Variants in LRRC7 observed in about 807,000 individuals in gnomAD.
LRRC7 encodes leucine-rich repeat-containing protein 7.
LRRC7 carries 23 observed loss-of-function variants against 175.7 expected under a neutral mutation model. The ratio of observed to expected loss-of-function variants is 0.13; its 90% confidence interval spans 0.09 to 0.19. The LOEUF (loss-of-function observed/expected upper bound fraction) is 0.19, where lower values mean the gene tolerates loss of function less well. Ranked by LOEUF, LRRC7 falls within the 10% of genes least tolerant of loss-of-function variation. LRRC7 has a pLI of 1.00. For synonymous variants in LRRC7, 685 were observed against 680.9 expected (o/e 1.01, Z -0.09); for missense variants, 1,354 against 1,904.7 (o/e 0.71, Z 5.38).
intron 1 of LRRC7, among the ~76,000 whole-genome samples, chr1:69,604,249 G>A (rs1015315907): frequency 1.3e-5 from 2 of 152,046 alleles, no homozygotes; most frequent in Non-Finnish European, 2.9e-5. Flanking sequence ...AATTTTACAT[G>A]ATTTGGCCAA....
chr1:69,587,661 G>A (rs1015590446), intron 1 of LRRC7, among the ~76,000 whole-genome samples: 1 of 152,074 alleles, frequency 6.6e-6, no homozygotes, highest in African/African-American at 2.4e-5. Flanking sequence ...TTGGATCGTG[G>A]GGGTGGTTTC....
rs1666316174 is a variant in LRRC7 at position 70,123,724 on chromosome 1, A to AGAGACTAAT, written c.*1838_*1846dup. Among the ~76,000 whole-genome samples, 1 of 152,172 alleles carries AGAGACTAAT rather than the reference A, an allele frequency of 6.6e-6. No individual in the cohort carries two copies. The highest frequency in any genetic ancestry group is 1.5e-5 in the Non-Finnish European group (1 of 68,022). ...GAGTTTCAGATGAGAAATGTCTTTC[A>AGAGACTAAT]GAGACTAATTTTCTTTGTTGAAAAC... On this transcript the variant is annotated 3_prime_UTR_variant, in exon 27 of 27. Coordinates refer to ENST00000651989, the MANE Select transcript of LRRC7 (RefSeq NM_001370785.2).
intron 25 of LRRC7, among the ~76,000 whole-genome samples, chr1:70,092,412 T>C (rs954368504): frequency 6.6e-6 from 1 of 152,276 alleles, no homozygotes; most frequent in Non-Finnish European, 1.5e-5. Flanking sequence ...AGGAATATTC[T>C]CAGAAATACA....
Position 69,587,658 on chromosome 1 carries a change from G to A in LRRC7, c.2+19017G>A, listed in dbSNP as rs61264188. Among the ~76,000 whole-genome samples the A allele has an allele frequency of 9.9e-3, 1,501 of 152,214 alleles. 21 individuals carry two copies. The highest frequency in any genetic ancestry group is 0.034 in the African/African-American group (1,410 of 41,514). On this transcript the variant is annotated intron_variant, in intron 1 of 26. Transcript: ENST00000651989. ...GGATCTGATGGAAGGTAATTGGATCGTGGGGGTGGTTTCCCCCACGCTGTT... is the reference window on the plus strand; with the variant it reads ...GGATCTGATGGAAGGTAATTGGATCATGGGGGTGGTTTCCCCCACGCTGTT...
intron 5 of LRRC7, among the ~76,000 whole-genome samples, chr1:69,830,573 A>C (rs936118412): frequency 1.3e-5 from 2 of 151,864 alleles, no homozygotes; most frequent in Admixed American, 6.6e-5. Context: ...TTTTCCCAGG[A>C]ATAGAAAATT....
chr1:70,078,810 GCACA>G (rs374404537), intron 24 of LRRC7, among the ~76,000 whole-genome samples: 1 of 141,212 alleles, frequency 7.1e-6, no homozygotes, highest in Non-Finnish European at 1.5e-5. Context: ...GCGCGCGCGC[GCACA>G]CACACACACG....
At chr1:70,114,013 A>G (rs1665687073) in intron 26 of LRRC7, among the ~76,000 whole-genome samples, 1 of 152,106 alleles carries the variant, frequency 6.6e-6, no homozygotes. Context: ...TCATTAAGAA[A>G]TGGTTAATGT....
chr1:70,066,388 G>T (rs1209123346), intron 23 of LRRC7, among the ~76,000 whole-genome samples: 1 of 151,992 alleles, frequency 6.6e-6, no homozygotes, highest in East Asian at 1.9e-4. Context: ...TGTACTGCAT[G>T]TATAATTATT....
intron 23 of LRRC7, among the ~76,000 whole-genome samples, chr1:70,062,364 G>A (rs913044943): frequency 6.6e-6 from 1 of 152,050 alleles, no homozygotes; most frequent in African/African-American, 2.4e-5. Context: ...AACTTTGCCA[G>A]TAATCTTATT....
intron 2 of LRRC7, among the ~76,000 whole-genome samples, chr1:69,721,286 G>A (rs1425571142): frequency 6.6e-6 from 1 of 151,686 alleles, no homozygotes; most frequent in African/African-American, 2.4e-5. Flanking sequence ...ATATTCTATG[G>A]GTTTGGACAA....
At chr1:69,992,430 G>T (rs1018790866) in intron 10 of LRRC7, among the ~76,000 whole-genome samples, 1 of 152,048 alleles carries the variant, frequency 6.6e-6, no homozygotes, top group Non-Finnish European at 1.5e-5. Flanking sequence ...AGAAGGAATA[G>T]GATAAAATAC....
rs553637103 is a variant in LRRC7 at position 70,038,407 on chromosome 1, C to T, written c.2583C>T (p.Leu861=). ...QDRIVGVPLE[L]EQSTHRHTPE... Reference sequence around the variant, plus strand: ...GGATTGTTGGTGTTCCCCTGGAACTCGAGCAGTCTACACACAGACACACAC... The same window carrying T: ...GGATTGTTGGTGTTCCCCTGGAACTTGAGCAGTCTACACACAGACACACAC... Residue 861 remains leucine (L), a synonymous_variant, in exon 21 of 27, where the codon CTC becomes CTT. Transcript: ENST00000651989. The T allele has an allele frequency of 1.9e-5, 31 of 1,613,994 alleles. No individual in the cohort carries two copies. Among genetic ancestry groups the T allele is most frequent in the East Asian group, 8.9e-5 (4 of 44,838 alleles).
intron 17 of LRRC7, among the ~76,000 whole-genome samples, chr1:70,024,028 A>G (rs1167402896): frequency 1.3e-5 from 2 of 152,052 alleles, no homozygotes; most frequent in East Asian, 3.9e-4. Flanking sequence ...AGAACACTGC[A>G]TGTCTTGTAA....
At chr1:69,871,262 G>A (rs938303656) in intron 7 of LRRC7, among the ~76,000 whole-genome samples, 2 of 151,974 alleles carry the variant, frequency 1.3e-5, no homozygotes, top group African/African-American at 4.8e-5. Flanking sequence ...TTAAATTTTG[G>A]CTGGTTCAAT....
At chr1:69,808,779 T>G (rs1677445642) in intron 4 of LRRC7, among the ~76,000 whole-genome samples, 1 of 152,108 alleles carries the variant, frequency 6.6e-6, no homozygotes, top group African/African-American at 2.4e-5. Context: ...AAAGGGAAAT[T>G]TATAGCACTA....
At position 70,130,908 on chromosome 1, in the gene LRRC7, C is replaced by T. The variant is rs1666637928; in HGVS notation, c.*9021C>T. 6.6e-6 allele frequency among the ~76,000 whole-genome samples: 1 copy of T among 152,168 alleles called. No homozygotes were observed. The highest frequency in any genetic ancestry group is 1.5e-5 in the Non-Finnish European group (1 of 68,040). ...AAACTGCTGCCAAATGCTGCCCGTC[C>T]TTTAAGTAGATAAAAGAATAGTCTG... On this transcript the variant is annotated 3_prime_UTR_variant, in exon 27 of 27. Transcript: ENST00000651989.
intron 2 of LRRC7, among the ~76,000 whole-genome samples, chr1:69,708,508 A>G (rs150048465): frequency 3.9e-5 from 6 of 152,162 alleles, no homozygotes; most frequent in Admixed American, 6.5e-5. Flanking sequence ...TTACCACCTC[A>G]TTGAGGTCTT....
intron 2 of LRRC7, among the ~76,000 whole-genome samples, chr1:69,717,790 GAAA>G (rs1665583375): frequency 1.0e-4 from 2 of 19,824 alleles, no homozygotes; most frequent in South Asian, 2.1e-3. Flanking sequence ...AAGAAAGAAA[GAAA>G]GAAAGAAAGA....
chr1:69,677,733 C>G (rs1024809186), intron 1 of LRRC7, among the ~76,000 whole-genome samples: 2 of 151,986 alleles, frequency 1.3e-5, no homozygotes, highest in Non-Finnish European at 2.9e-5. Context: ...AATAATTACT[C>G]TTTAGTCGAT....
Sources: gnomAD v4.1 joint callset for allele counts (sites outside exome capture counted in the v4.1 genomes callset) on GRCh38, gnomAD v4.1.1 for gene constraint, MANE v1.5 for transcripts, NCBI Gene and HGNC (gene_info 2026-07-23, HGNC 2026-07-21) for gene names.